TOP1: variants seen among roughly 807,000 people sequenced by gnomAD.
The protein encoded by TOP1 is DNA topoisomerase 1.
TOP1 carries 10 observed loss-of-function variants against 111.1 expected under a neutral mutation model. That is an observed-to-expected ratio of 0.09 (90% CI 0.06 to 0.15). The LOEUF is 0.15. TOP1 is among the 10% of genes least tolerant of loss of function. TOP1 has a pLI of 1.00. For missense variants in TOP1, 474 were observed against 926.7 expected, an observed-to-expected ratio of 0.51 and a Z score of 6.34; for synonymous variants, 271 against 302.9, an observed-to-expected ratio of 0.89 and a Z score of 1.10.
intron 8 of TOP1, among the ~76,000 whole-genome samples, chr20:41,090,687 G>C (rs1035488504): frequency 1.9e-4 from 28 of 145,598 alleles, no homozygotes; most frequent in African/African-American, 7.0e-4. Context: ...ATTTTTAGTA[G>C]AGACGGGGGG....
At chr20:41,040,790 C>T (rs964108953) in intron 2 of TOP1, among the ~76,000 whole-genome samples, 5 of 116,718 alleles carry the variant, frequency 4.3e-5, no homozygotes, top group South Asian at 2.7e-4. Flanking sequence ...TGGGAGACAG[C>T]GAGGCATCGT....
intron 3 of TOP1, among the ~76,000 whole-genome samples, chr20:41,075,271 A>T (rs935394142): frequency 3.3e-5 from 5 of 152,168 alleles, no homozygotes; most frequent in African/African-American, 1.2e-4. Context: ...TCCTGGGTTC[A>T]TGCCATTCTC....
intron 3 of TOP1, among the ~76,000 whole-genome samples, chr20:41,063,394 T>G (rs565810578): frequency 2.0e-5 from 3 of 152,354 alleles, no homozygotes; most frequent in Non-Finnish European, 2.9e-5. Context: ...AGAGCTGCAG[T>G]GAACATGTGT....
chr20:41,093,420 C>T (rs2033943875), intron 9 of TOP1, among the ~76,000 whole-genome samples: 1 of 151,922 alleles, frequency 6.6e-6, no homozygotes, highest in South Asian at 2.1e-4. Flanking sequence ...CCCCACCGTC[C>T]CTCTTCTTCT....
chr20:41,107,272 A>G (rs1210318398), intron 13 of TOP1, among the ~76,000 whole-genome samples: 6 of 152,200 alleles, frequency 3.9e-5, no homozygotes, highest in African/African-American at 9.7e-5. Flanking sequence ...AGTATTACCA[A>G]TCATTATTTC....
In TOP1 at chr20:41,095,240, G is replaced by C. The variant is rs1023864463; in HGVS notation, c.731-1980G>C. 9.9e-5 allele frequency among the ~76,000 whole-genome samples: 15 copies of C among 151,994 alleles called. No homozygotes were observed. The highest frequency in any genetic ancestry group is 8.5e-4 in the Admixed American group (13 of 15,252). On this transcript the variant is annotated intron_variant, in intron 9 of 20. Transcript: ENST00000361337. This position sits in a 1 kb window ranked among gnomAD's most constrained non-coding sequence, Gnocchi z 4.6. The stretch of plus-strand genomic sequence containing the variant: ...AGTTTTGTATTTTTAATAGAGACAG[G>C]GTTTTACCATGTTGGTCAAGCTGGT...
rs2034463247 is a variant in TOP1 at position 41,124,418 on chromosome 20, AT to A, written c.*1126del. Reference sequence around the variant, plus strand: ...CCACATCTTTCCTCAAGTATCTTCTATTTTTATCATGAATTCCCTTTTAATC... The same window carrying A: ...CCACATCTTTCCTCAAGTATCTTCTATTTTATCATGAATTCCCTTTTAATC... On this transcript the variant is annotated 3_prime_UTR_variant, in exon 21 of 21. Transcript: ENST00000361337. This position sits in a 1 kb window ranked among gnomAD's most constrained non-coding sequence, Gnocchi z 5.4. 4.3e-6 allele frequency: 1 copy of A among 233,036 alleles called. No homozygotes were observed. The highest frequency in any genetic ancestry group is 8.5e-6 in the Non-Finnish European group (1 of 117,726). 14.4% of individuals were successfully genotyped at this position (233,036 alleles called of 1,614,324 possible). A position where few individuals can be genotyped will look rare whatever the true frequency, so the allele number is the denominator to read the frequency against.
At position 41,046,924 on chromosome 20, in the gene TOP1, G is replaced by T. The variant is rs2033341963; in HGVS notation, c.59-14470G>T. Among the ~76,000 whole-genome samples, 1 of 152,226 alleles carries T rather than the reference G, an allele frequency of 6.6e-6. No individual in the cohort carries two copies. The highest frequency in any genetic ancestry group is 6.5e-5 in the Admixed American group (1 of 15,282). On this transcript the variant is annotated intron_variant, in intron 2 of 20. Transcript: ENST00000361337. The surrounding 1 kb of genome is among the most constrained non-coding windows in gnomAD (Gnocchi z 4.3). ...GTTCTCATGTGACTCACTTAGTTTT[G>T]CAGAGTGAGGTAGATTTTAACCACT...
chr20:41,060,095 C>A (rs2033526582), intron 2 of TOP1, among the ~76,000 whole-genome samples: 1 of 152,178 alleles, frequency 6.6e-6, no homozygotes, highest in Non-Finnish European at 1.5e-5. Flanking sequence ...TACAATGGTA[C>A]AATTTGGCAA....
intron 8 of TOP1, among the ~76,000 whole-genome samples, chr20:41,088,505 AAAAT>A (rs986735802): frequency 4.6e-5 from 7 of 152,290 alleles, no homozygotes; most frequent in South Asian, 2.1e-4. Context: ...TCTGTCTCAA[AAAAT>A]AAATAAATAA....
intron 2 of TOP1, among the ~76,000 whole-genome samples, chr20:41,043,935 C>T (rs1339162074): frequency 1.3e-5 from 2 of 152,178 alleles, no homozygotes; most frequent in Non-Finnish European, 2.9e-5. Context: ...ATTTGTAGTG[C>T]AGGGATGTCC....
chr20:41,074,041 A>G (rs1259942542), intron 3 of TOP1, among the ~76,000 whole-genome samples: 1 of 152,212 alleles, frequency 6.6e-6, no homozygotes, highest in Non-Finnish European at 1.5e-5. Flanking sequence ...TGGTAGTATA[A>G]AAACCAAGTG....
Position 41,112,685 on chromosome 20 carries a change from G to A in TOP1, c.1309-97G>A. 7.4e-7 allele frequency: 1 copy of A among 1,353,220 alleles called. No homozygotes were observed. The highest frequency in any genetic ancestry group is 1.0e-6 in the Non-Finnish European group (1 of 977,568). The allele number at this position is 1,353,220 out of a possible 1,614,324, so 83.8% of individuals were successfully genotyped here. ...TCTTAGCCTCCCTATTAGCTAGCTG[G>A]GATTATAGGCTTGCGCCACCTTGCC... On this transcript the variant is annotated intron_variant, in intron 13 of 20. Coordinates refer to ENST00000361337, the MANE Select transcript of TOP1 (RefSeq NM_003286.4). The surrounding 1 kb of genome is among the most constrained non-coding windows in gnomAD (Gnocchi z 5.8).
chr20:41,031,663 G>T (rs2033121264), intron 2 of TOP1, among the ~76,000 whole-genome samples: 1 of 152,206 alleles, frequency 6.6e-6, no homozygotes, highest in South Asian at 2.1e-4. Flanking sequence ...GTTAGGTCCT[G>T]TTATTTCTGT....
rs999085281 is a variant in TOP1 at position 41,121,662 on chromosome 20, C to T, written c.1951-34C>T. On this transcript the variant is annotated intron_variant, in intron 18 of 20. Transcript: ENST00000361337. This position sits in a 1 kb window ranked among gnomAD's most constrained non-coding sequence, Gnocchi z 4.2. ...CTCAGGTGGAGCCATTTTTCCTCTACAGCTCATAACCTTACCACTATTATT... is the reference window on the plus strand; with the variant it reads ...CTCAGGTGGAGCCATTTTTCCTCTATAGCTCATAACCTTACCACTATTATT... The T allele has an allele frequency of 2.6e-6, 4 of 1,565,928 alleles. No homozygotes were observed. The African/African-American group carries it at 4.1e-5, about 16-fold the overall frequency.
At chr20:41,063,336 A>G (rs2033568786) in intron 3 of TOP1, among the ~76,000 whole-genome samples, 1 of 152,206 alleles carries the variant, frequency 6.6e-6, no homozygotes, top group Non-Finnish European at 1.5e-5. Context: ...TATCCAATCC[A>G]TCATTGCTGG....
At chr20:41,041,675 C>T (rs963129911) in intron 2 of TOP1, among the ~76,000 whole-genome samples, 1 of 152,058 alleles carries the variant, frequency 6.6e-6, no homozygotes, top group Admixed American at 6.6e-5. Flanking sequence ...ACTCGTACAC[C>T]TTGAAGTTGA....
chr20:41,053,191 C>T (rs2033427396), intron 2 of TOP1, among the ~76,000 whole-genome samples: 1 of 152,198 alleles, frequency 6.6e-6, no homozygotes, highest in Non-Finnish European at 1.5e-5. Flanking sequence ...GCTGTTGCAA[C>T]TCATTTCTTG....
chr20:41,035,135 G>A (rs1476907581), intron 2 of TOP1, among the ~76,000 whole-genome samples: 1 of 152,092 alleles, frequency 6.6e-6, no homozygotes, highest in African/African-American at 2.4e-5. Flanking sequence ...CAAGCAGCCT[G>A]CCCACCTCAG....
Sources: gnomAD v4.1 joint callset for allele counts (sites outside exome capture counted in the v4.1 genomes callset) on GRCh38, gnomAD v4.1.1 for gene constraint, Gnocchi (gnomAD v3.1) non-coding constraint, MANE v1.5 for transcripts, NCBI Gene and HGNC (gene_info 2026-07-23, HGNC 2026-07-21) for gene names.